The following ANKS1B variants were observed in gnomAD, a reference collection of about 807,000 sequenced individuals.
ANKS1B encodes ankyrin repeat and sterile alpha motif domain-containing protein 1B.
A neutral mutation model predicts 148.3 loss-of-function variants in ANKS1B; 36 were observed. The observed-to-expected ratio is 0.24, with a 90% CI of 0.19 to 0.32. ANKS1B has a LOEUF of 0.32. Ranked by LOEUF, ANKS1B falls within the 10% of genes least tolerant of loss-of-function variation. The pLI is 1.00. For synonymous variants in ANKS1B, 542 were observed against 560.8 expected, an observed-to-expected ratio of 0.97 and a Z score of 0.47; for missense variants, 1,157 against 1,542.6, an observed-to-expected ratio of 0.75 and a Z score of 4.19.
chr12:99,951,083 C>A (rs148513486), intron 1 of ANKS1B, among the ~76,000 whole-genome samples: 1 of 152,328 alleles, frequency 6.6e-6, no homozygotes, highest in East Asian at 1.9e-4. Context: ...CCTCTACCAG[C>A]CAGTGTTGCC....
At chr12:99,857,297 A>T (rs1024871308) in intron 1 of ANKS1B, among the ~76,000 whole-genome samples, 1 of 151,820 alleles carries the variant, frequency 6.6e-6, no homozygotes, top group Admixed American at 6.6e-5. Context: ...CTGCAAAAAA[A>T]ATAAAATAAA....
intron 19 of ANKS1B, among the ~76,000 whole-genome samples, chr12:98,816,633 G>T (rs2153647710): frequency 6.6e-6 from 1 of 152,324 alleles, no homozygotes; most frequent in African/African-American, 2.4e-5. Flanking sequence ...TGGCACATAA[G>T]AACCTATCTC....
intron 14 of ANKS1B, among the ~76,000 whole-genome samples, chr12:99,218,371 G>A (rs2246683): frequency 7.2e-5 from 11 of 151,972 alleles, no homozygotes; most frequent in African/African-American, 1.9e-4. Flanking sequence ...ATCTGATTAC[G>A]AATTCATAGA....
intron 8 of ANKS1B, among the ~76,000 whole-genome samples, chr12:99,688,782 A>C (rs1024660899): frequency 2.0e-5 from 3 of 152,118 alleles, no homozygotes; most frequent in Non-Finnish European, 4.4e-5. Context: ...CCAAGGCTGC[A>C]GTGAGCTATG....
intron 12 of ANKS1B, among the ~76,000 whole-genome samples, chr12:99,319,404 G>T (rs867194060): frequency 6.6e-6 from 1 of 152,130 alleles, no homozygotes; most frequent in African/African-American, 2.4e-5. Flanking sequence ...TTGTTGAATT[G>T]ATCCCTTTAC....
At chr12:99,685,401 G>A (rs957618274) in intron 8 of ANKS1B, among the ~76,000 whole-genome samples, 2 of 152,072 alleles carry the variant, frequency 1.3e-5, no homozygotes, top group Non-Finnish European at 2.9e-5. Flanking sequence ...ACTCCCAGAA[G>A]AATGGCCATA....
chr12:99,682,947 T>C (rs950444439), intron 8 of ANKS1B, among the ~76,000 whole-genome samples: 1 of 152,160 alleles, frequency 6.6e-6, no homozygotes, highest in Non-Finnish European at 1.5e-5. Context: ...AAAGGTTTAA[T>C]TGACTCACAG....
chr12:99,683,424 A>G (rs547197206), intron 8 of ANKS1B, among the ~76,000 whole-genome samples: 2 of 152,250 alleles, frequency 1.3e-5, no homozygotes, highest in East Asian at 1.9e-4. Flanking sequence ...CCTAGATTAA[A>G]CCAGGAAGCA....
chr12:98,894,777 C>A, intron 17 of ANKS1B: 1 of 985,102 alleles, frequency 1.0e-6, no homozygotes, highest in Non-Finnish European at 1.2e-6. Context: ...ATGCGAGCGG[C>A]GAGGCGAGGG....
rs949773367 is a variant in ANKS1B, at chr12:99,851,028, T to C, written c.135-25639A>G. Reference sequence around the variant, plus strand: ...TGTTTTCAATTCTAAGCATAAGTTTTAGATCTCCATAACATGAAAATGACC... The same window carrying C: ...TGTTTTCAATTCTAAGCATAAGTTTCAGATCTCCATAACATGAAAATGACC... On this transcript the variant is annotated intron_variant, in intron 1 of 26. Transcript: ENST00000683438. 1.2e-4 allele frequency among the ~76,000 whole-genome samples: 19 copies of C among 152,258 alleles called. No homozygotes were observed. In the East Asian group the frequency reaches 3.7e-3, roughly 29 times the overall value.
chr12:99,355,788 A>G (rs142312576), intron 12 of ANKS1B, among the ~76,000 whole-genome samples: 1,612 of 152,016 alleles, frequency 0.011, 32 homozygotes, highest in African/African-American at 0.037. Context: ...GTACCTGTCC[A>G]TTTATTTGGA....
chr12:99,859,436 CTGTT>C (rs2089697856), intron 1 of ANKS1B, among the ~76,000 whole-genome samples: 1 of 152,156 alleles, frequency 6.6e-6, no homozygotes, highest in Non-Finnish European at 1.5e-5. Flanking sequence ...CTTTGAGGTA[CTGTT>C]AGCTTTGCTA....
At chr12:99,907,040 CCAGGCAAGGACACAGGACAAGAA>C (rs2093809724) in intron 1 of ANKS1B, among the ~76,000 whole-genome samples, 1 of 152,092 alleles carries the variant, frequency 6.6e-6, no homozygotes, top group African/African-American at 2.4e-5. Context: ...AGTCAAGTAT[CCAGGCAAGGACACAGGACAAGAA>C]CAGGCATTAA....
At chr12:99,779,314 T>C (rs1245315689) in intron 6 of ANKS1B, among the ~76,000 whole-genome samples, 2 of 152,218 alleles carry the variant, frequency 1.3e-5, no homozygotes, top group Admixed American at 6.5e-5. Context: ...AAATAATCTG[T>C]ATTCTTTTGG....
chr12:99,812,538 CACACACACACACACACACACAGAGAGAG>C (rs1294012500), intron 2 of ANKS1B, among the ~76,000 whole-genome samples: 4 of 95,754 alleles, frequency 4.2e-5, no homozygotes, highest in South Asian at 4.4e-4. Context: ...CACACACACA[CACACACACACACACACACACAGAGAGAG>C]AGAGAGAGAG....
chr12:98,882,118 T>C (rs1244015197), intron 17 of ANKS1B, among the ~76,000 whole-genome samples: 1 of 152,112 alleles, frequency 6.6e-6, no homozygotes, highest in Non-Finnish European at 1.5e-5. Context: ...GCTGATTACA[T>C]AACATTGGTG....
Position 99,604,494 on chromosome 12 carries a change from ATATT to A in ANKS1B, c.1272+50569_1272+50572del, listed in dbSNP as rs1244824752. On this transcript the variant is annotated intron_variant, in intron 9 of 26. Coordinates refer to ENST00000683438, the MANE Select transcript of ANKS1B (RefSeq NM_001352186.2). ...AACACTTGGTTAAATATTATCTTGG[ATATT>A]TATTAATCAAAATGACAATAAAAAA... Among the ~76,000 whole-genome samples, 8 of 152,228 alleles carry A rather than the reference ATATT, an allele frequency of 5.3e-5. No homozygotes were observed. In the East Asian group the frequency reaches 1.5e-3, roughly 29 times the overall value.
chr12:98,756,840 G>A (rs1441793632), intron 25 of ANKS1B, among the ~76,000 whole-genome samples: 1 of 147,896 alleles, frequency 6.8e-6, no homozygotes, highest in African/African-American at 2.5e-5. Flanking sequence ...GGATTCTCCT[G>A]CCTCAGCCTC....
chr12:99,209,340 G>T (rs903388737), intron 14 of ANKS1B, among the ~76,000 whole-genome samples: 1 of 152,102 alleles, frequency 6.6e-6, no homozygotes, highest in African/African-American at 2.4e-5. Context: ...AACAATGAGG[G>T]TGACTCTAGA....
Sources: allele counts gnomAD v4.1 joint callset (sites outside exome capture counted in the v4.1 genomes callset), GRCh38; gene constraint gnomAD v4.1.1; transcripts MANE v1.5; gene names NCBI Gene and HGNC (gene_info 2026-07-23, HGNC 2026-07-21).